Variants in UXS1 observed in about 807,000 individuals in gnomAD.
UXS1 encodes UDP-glucuronic acid decarboxylase 1.
UXS1 carries 33 observed loss-of-function variants against 62.6 expected under a neutral mutation model. The ratio of observed to expected loss-of-function variants is 0.53; its 90% CI spans 0.40 to 0.70. The LOEUF is 0.70. Among genes scored for constraint, UXS1 ranks in the 30% least tolerant of loss-of-function variants. The probability of loss-of-function intolerance (pLI) is 0.00; values close to 1 mark genes in which losing one functional copy is unlikely to be tolerated. For synonymous variants in UXS1, 213 were observed against 206.8 expected (o/e 1.03, Z -0.26); for missense variants, 434 against 556.3 (o/e 0.78, Z 2.21).
At chr2:106,109,009 G>A (rs910134374) in intron 10 of UXS1, among the ~76,000 whole-genome samples, 5 of 151,978 alleles carry the variant, frequency 3.3e-5, no homozygotes, top group East Asian at 1.9e-4. Context: ...GAGTGTGTCC[G>A]ACCACCCTGG....
intron 11 of UXS1, 108 bp from the exon 12 acceptor site, chr2:106,101,226 C>T: frequency 8.8e-7 from 1 of 1,136,138 alleles, no homozygotes; most frequent in Non-Finnish European, 1.2e-6. Context: ...CAGGAGAAAA[C>T]AAAAACCCAA....
intron 6 of UXS1, chr2:106,138,503 CAGG>C: frequency 1.0e-6 from 1 of 985,472 alleles, no homozygotes; most frequent in Non-Finnish European, 1.2e-6. Flanking sequence ...TCAGGATTTC[CAGG>C]CGGGCCTGGA....
At chr2:106,101,218 G>A in intron 11 of UXS1, 100 bp from the exon 12 acceptor site, 3 of 1,278,524 alleles carry the variant, frequency 2.3e-6, no homozygotes, top group South Asian at 3.1e-5. Flanking sequence ...ACCACCCCCA[G>A]GAGAAAACAA....
At chr2:106,094,307 G>A in intron 14 of UXS1, 150 bp from the exon 15 acceptor site, 1 of 920,638 alleles carries the variant, frequency 1.1e-6, no homozygotes, top group Non-Finnish European at 1.6e-6. Context: ...TGCTTTGGTT[G>A]TGACAGCATC....
At chr2:106,095,236 T>G (rs1451948023) in intron 14 of UXS1, among the ~76,000 whole-genome samples, 1 of 152,198 alleles carries the variant, frequency 6.6e-6, no homozygotes, top group Non-Finnish European at 1.5e-5. Context: ...AAATATAGGC[T>G]CTCCTTACAA....
chr2:106,151,907 G>C (rs556102817), intron 5 of UXS1, among the ~76,000 whole-genome samples: 25 of 152,294 alleles, frequency 1.6e-4, no homozygotes, highest in African/African-American at 5.8e-4. Context: ...ATTATATGGG[G>C]TAACAGTCTA....
At chr2:106,167,355 T>G (rs1334439559) in intron 1 of UXS1, among the ~76,000 whole-genome samples, 1 of 152,192 alleles carries the variant, frequency 6.6e-6, no homozygotes, top group East Asian at 1.9e-4. Flanking sequence ...AACAGAGAGA[T>G]TAAACACAAA....
At chr2:106,183,595 C>T (rs1684379591) in intron 1 of UXS1, 1 of 152,206 alleles carries the variant, frequency 6.6e-6, no homozygotes, top group South Asian at 2.1e-4. Flanking sequence ...AGGAAACCCT[C>T]AGCCCCCCTC....
chr2:106,128,946 A>G (rs1360734011), intron 7 of UXS1, among the ~76,000 whole-genome samples: 1 of 152,198 alleles, frequency 6.6e-6, no homozygotes, highest in Non-Finnish European at 1.5e-5. Flanking sequence ...GCCATTTTTA[A>G]AAGTGGTTCC....
chr2:106,157,100 C>T (rs1682495900), intron 5 of UXS1, among the ~76,000 whole-genome samples: 1 of 151,936 alleles, frequency 6.6e-6, no homozygotes, highest in African/African-American at 2.4e-5. Context: ...GTGTGGAAGG[C>T]CTAAGGGGAA....
At chr2:106,162,916 A>G (rs1682987829) in intron 4 of UXS1, among the ~76,000 whole-genome samples, 1 of 152,230 alleles carries the variant, frequency 6.6e-6, no homozygotes, top group Non-Finnish European at 1.5e-5. Flanking sequence ...AGGCTCATTC[A>G]ATGCTGACAC....
intron 5 of UXS1, among the ~76,000 whole-genome samples, chr2:106,146,013 A>G (rs1369406555): frequency 6.6e-6 from 1 of 152,254 alleles, no homozygotes; most frequent in Non-Finnish European, 1.5e-5. Flanking sequence ...ACGATGAGGC[A>G]GCTGTGAGGG....
At chr2:106,097,199 G>A (rs1053737461) in intron 13 of UXS1, 3 of 461,568 alleles carry the variant, frequency 6.5e-6, no homozygotes, top group South Asian at 1.5e-5. Flanking sequence ...GACCACAAAC[G>A]TGGTGTGGGG....
rs184615279 is a variant in UXS1 at position 106,191,092 on chromosome 2, C to A, written c.94+3056G>T. On this transcript the variant is annotated intron_variant, in intron 1 of 14. Transcript: ENST00000283148. ...AATGGGAAAGAACTCAAGTACAATG[C>A]AAGTTAGCAGGTGGTCAACCCTAAG... is the stretch of plus-strand genomic sequence containing the variant. 1.1e-4 allele frequency among the ~76,000 whole-genome samples: 17 copies of A among 152,198 alleles called. No individual in the cohort carries two copies. The East Asian group carries it at 3.3e-3, about 30-fold the overall frequency.
At chr2:106,104,399 C>A (rs1230835717) in intron 11 of UXS1, among the ~76,000 whole-genome samples, 1 of 152,228 alleles carries the variant, frequency 6.6e-6, no homozygotes, top group East Asian at 1.9e-4. Flanking sequence ...GTGCCCTCCA[C>A]AAGGACTATC....
chr2:106,095,518 G>C (rs907731147), intron 14 of UXS1, among the ~76,000 whole-genome samples: 2 of 152,180 alleles, frequency 1.3e-5, no homozygotes, highest in Non-Finnish European at 2.9e-5. Context: ...ATTTTAAAAA[G>C]GTAAACTGAG....
intron 1 of UXS1, among the ~76,000 whole-genome samples, chr2:106,175,087 G>A (rs548276633): frequency 4.6e-5 from 7 of 152,320 alleles, no homozygotes; most frequent in African/African-American, 1.7e-4. Context: ...GAAGCCTCCT[G>A]GAATGTGAAA....
chr2:106,129,810 C>A, intron 6 of UXS1, 32 bp from the exon 7 acceptor site: 1 of 1,462,902 alleles, frequency 6.8e-7, no homozygotes. Context: ...CCTATTACTT[C>A]AAAAAAGCAC....
chr2:106,175,264 G>C (rs1240704287), intron 1 of UXS1, among the ~76,000 whole-genome samples: 1 of 152,238 alleles, frequency 6.6e-6, no homozygotes, highest in Non-Finnish European at 1.5e-5. Flanking sequence ...GAATGCTGCT[G>C]CTGCATGCAT....
Sources: gnomAD v4.1 joint callset for allele counts (sites outside exome capture counted in the v4.1 genomes callset) on GRCh38, gnomAD v4.1.1 for gene constraint, MANE v1.5 for transcripts, NCBI Gene and HGNC (gene_info 2026-07-23, HGNC 2026-07-21) for gene names.